Variants in TPP2 observed in about 807,000 individuals in gnomAD.
TPP2 encodes the protein tripeptidyl peptidase 2, also known as tripeptidyl-peptidase 2.
In TPP2, 34 loss-of-function variants were observed where a neutral mutation model predicts 155.9. The observed-to-expected ratio is 0.22, with a 90% CI of 0.17 to 0.29. TPP2 has a LOEUF of 0.29. Ranked by LOEUF, TPP2 falls within the 10% of genes least tolerant of loss-of-function variation. The pLI, the probability that TPP2 is intolerant of heterozygous loss-of-function variation, is 1.00. For synonymous variants in TPP2, 510 were observed against 529.4 expected, an observed-to-expected ratio of 0.96 and a Z score of 0.50; for missense variants, 1,028 against 1,522.3, an observed-to-expected ratio of 0.68 and a Z score of 5.40.
At chr13:102,648,429 C>CGTGTGTGTGTGTGTGTGTGT (rs56934655) in intron 21 of TPP2, among the ~76,000 whole-genome samples, 7 of 147,968 alleles carry the variant, frequency 4.7e-5, no homozygotes, top group Non-Finnish European at 3.0e-5. Context: ...ATAAGTTACA[C>CGTGTGTGTGTGTGTGTGTGT]GTGTGTGTGT....
chr13:102,598,401 A>C (rs1360718254), intron 1 of TPP2, among the ~76,000 whole-genome samples: 1 of 152,174 alleles, frequency 6.6e-6, no homozygotes, highest in Admixed American at 6.5e-5. Context: ...AGTCTGGCCG[A>C]ATCTGCTTAG....
At chr13:102,656,498 G>A (rs112763925) in intron 24 of TPP2, among the ~76,000 whole-genome samples, 2 of 151,994 alleles carry the variant, frequency 1.3e-5, no homozygotes, top group Non-Finnish European at 2.9e-5. Flanking sequence ...GCTCCCCCTC[G>A]TTACCTGACA....
At position 102,627,134 on chromosome 13, in the gene TPP2, A is replaced by G. The variant is rs1881681063; in HGVS notation, c.907A>G (p.Thr303Ala). Residue 303 changes from threonine to alanine, a missense_variant, in exon 7 of 30, where the codon ACA (threonine) becomes GCA (alanine). Physicochemically the swap from Thr to Ala is moderately conservative, Grantham distance 58. Around this residue, in one of 7 missense-constraint regions of TPP2, gnomAD observed 300 missense variants for 398.3 expected, o/e 0.75. Transcript: ENST00000376052. Reference protein sequence around the residue: ...SIKIGDTRLSTMETGTGLIRA... With the variant: ...SIKIGDTRLSAMETGTGLIRA... ...CAAGATTGGTGATACAAGACTAAGCACAATGGAAACAGGCACAGGCCTCAT... is the reference window on the plus strand; with the variant it reads ...CAAGATTGGTGATACAAGACTAAGCGCAATGGAAACAGGCACAGGCCTCAT... The G allele has an allele frequency of 1.2e-6, 2 of 1,604,854 alleles. No homozygotes were observed. Among genetic ancestry groups the G allele is most frequent in the Non-Finnish European group, 1.7e-6 (2 of 1,175,788 alleles).
rs908473019 is a variant in TPP2 at position 102,603,381 on chromosome 13, GA to G, written c.166-1406del. On this transcript the variant is annotated intron_variant, in intron 1 of 29. Transcript: ENST00000376052. ...CTGTGAAGGAAATGAGGTACAGTGA[GA>G]AAAAATAATCCAGTTTAGGATGGCA... 1.8e-4 allele frequency among the ~76,000 whole-genome samples: 28 copies of G among 152,148 alleles called. 1 individual carries two copies. Among genetic ancestry groups the G allele is most frequent in the Admixed American group, 1.6e-3 (24 of 15,270 alleles).
At chr13:102,647,166 T>G in intron 20 of TPP2, 41 bp from the exon 21 acceptor site, 1 of 1,539,030 alleles carries the variant, frequency 6.5e-7, no homozygotes, top group Non-Finnish European at 8.8e-7. Context: ...TCAGAAATTA[T>G]ATGCAAATCA....
At chr13:102,650,061 T>A (rs1883383209) in intron 23 of TPP2, among the ~76,000 whole-genome samples, 1 of 152,178 alleles carries the variant, frequency 6.6e-6, no homozygotes. Context: ...ATGCTTTTTT[T>A]AGAAATATGT....
chr13:102,625,849 T>G (rs754085159), intron 6 of TPP2, among the ~76,000 whole-genome samples: 16 of 152,362 alleles, frequency 1.1e-4, no homozygotes, highest in Non-Finnish European at 1.3e-4. Flanking sequence ...CCAGTGCCAG[T>G]TGTCATTTAT....
Position 102,636,363 on chromosome 13 carries a change from G to C in TPP2, c.1649G>C (p.Gly550Ala). Reference protein sequence around the residue: ...QVAAPSDHGVGIEPVFPENTE... With the variant: ...QVAAPSDHGVAIEPVFPENTE... ...GCTGCACCTTCAGATCATGGCGTTGGCATTGAACCTGTATTTCCGGAGAAC... is the reference window on the plus strand; with the variant it reads ...GCTGCACCTTCAGATCATGGCGTTGCCATTGAACCTGTATTTCCGGAGAAC... Residue 550 changes from glycine (G) to alanine (A), a missense_variant, in exon 13 of 30, where the codon GGC becomes GCC. By Grantham distance (60) the Gly-to-Ala change is moderately conservative. This residue lies in a region of TPP2 where 325 missense variants were observed against 463.7 expected (regional missense o/e 0.70). Transcript: ENST00000376052. The C allele has an allele frequency of 6.2e-7, 1 of 1,613,204 alleles. No individual in the cohort carries two copies. Among genetic ancestry groups the C allele is most frequent in the Middle Eastern group, 1.7e-4 (1 of 6,058 alleles).
At chr13:102,630,306 T>G in intron 10 of TPP2, 111 bp downstream of exon 10, 1 of 704,950 alleles carries the variant, frequency 1.4e-6, no homozygotes, top group Non-Finnish European at 2.2e-6. Flanking sequence ...TGGTTTTTAC[T>G]TTTTTTTCAG....
In TPP2 at chr13:102,678,318, A is replaced by G; in HGVS notation, c.*2A>G. 1 of 1,609,682 alleles carries G rather than the reference A, an allele frequency of 6.2e-7. No individual in the cohort carries two copies. The highest frequency in any genetic ancestry group is 8.5e-7 in the Non-Finnish European group (1 of 1,178,818). ...CCTCCCGATTATTGCGTATTCTAAA[A>G]TAGGAAACAAGACTTTAAATTTTAA... On this transcript the variant is annotated 3_prime_UTR_variant, in exon 30 of 30. Transcript: ENST00000376052.
At chr13:102,611,135 A>G (rs80011990) in intron 2 of TPP2, among the ~76,000 whole-genome samples, 46 of 152,288 alleles carry the variant, frequency 3.0e-4, no homozygotes, top group African/African-American at 1.1e-3. Flanking sequence ...ACGGGCAGCA[A>G]TGATTTATTA....
chr13:102,615,350 A>G (rs1361498688), intron 3 of TPP2, among the ~76,000 whole-genome samples: 1 of 152,002 alleles, frequency 6.6e-6, no homozygotes, highest in African/African-American at 2.4e-5. Context: ...GGGTTTCACC[A>G]TGTTGCCCAG....
At chr13:102,610,001 T>C (rs9582606) in intron 2 of TPP2, among the ~76,000 whole-genome samples, 7,420 of 152,166 alleles carry the variant, frequency 0.049, 609 homozygotes, top group African/African-American at 0.17. Context: ...AGAACTCTCT[T>C]CTCCATCCAT....
chr13:102,660,895 G>C (rs1340885603), intron 25 of TPP2, among the ~76,000 whole-genome samples: 2 of 152,182 alleles, frequency 1.3e-5, no homozygotes, highest in Non-Finnish European at 2.9e-5. Flanking sequence ...AATGAGGAAA[G>C]GATAGTATTT....
rs754667311 is a variant in TPP2, at chr13:102,637,075, G to T, written c.1679-7G>T. On this transcript the variant is annotated splice_region_variant and splice_polypyrimidine_tract_variant and intron_variant, in intron 13 of 29. Transcript: ENST00000376052. ...TCATCTTTAATTTTTGGTCTTTTTC[G>T]TGCCAGAAAACTCTGAAAAAATATC... 4 of 1,562,984 alleles carry T rather than the reference G, an allele frequency of 2.6e-6. No individual in the cohort carries two copies. Among genetic ancestry groups the T allele is most frequent in the South Asian group, 1.2e-5 (1 of 82,862 alleles).
rs113327947 is a variant in TPP2, at chr13:102,597,978, C to CT, written c.165+787dup. 6.3e-3 allele frequency among the ~76,000 whole-genome samples: 920 copies of CT among 146,036 alleles called. 7 individuals carry two copies. Among genetic ancestry groups the CT allele is most frequent in the Non-Finnish European group, 5.6e-3 (366 of 65,868 alleles). On this transcript the variant is annotated intron_variant, in intron 1 of 29. Transcript: ENST00000376052. ...TCTCAGACCTTATGAAAATATGCGA[C>CT]TTTTTTTTTTTTAAACCTGAAAACA...
At chr13:102,628,093 G>T (rs188184582) in intron 8 of TPP2, among the ~76,000 whole-genome samples, 169 bp downstream of exon 8, 2 of 152,104 alleles carry the variant, frequency 1.3e-5, no homozygotes, top group Non-Finnish European at 2.9e-5. Context: ...TGTTTGGCTC[G>T]TAGGCCGCAC....
chr13:102,655,750 G>T lies in TPP2; in HGVS notation c.2992-1306G>T, dbSNP rs148186972. On this transcript the variant is annotated intron_variant, in intron 24 of 29. Coordinates refer to ENST00000376052, the MANE Select transcript of TPP2 (RefSeq NM_001330588.2). The stretch of plus-strand genomic sequence containing the variant: ...TGTCCCCTGACACTGTTCTTGTCCG[G>T]GGGGGTCAGTAGGCTCTGTGCTGCC... Among the ~76,000 whole-genome samples, 477 of 152,162 alleles carry T rather than the reference G, an allele frequency of 3.1e-3. 3 individuals are homozygous for T. The highest frequency in any genetic ancestry group is 0.011 in the African/African-American group (450 of 41,520).
chr13:102,643,113 A>G, intron 16 of TPP2, 109 bp from the exon 17 acceptor site: 1 of 1,037,974 alleles, frequency 9.6e-7, no homozygotes, highest in Non-Finnish European at 1.3e-6. Context: ...TTTGATCCCT[A>G]TTATGTCCCT....
Sources: gnomAD v4.1 joint callset for allele counts (sites outside exome capture counted in the v4.1 genomes callset) on GRCh38, gnomAD v4.1.1 for gene constraint, gnomAD v4.1.1 regional missense constraint, MANE v1.5 for transcripts, NCBI Gene and HGNC (gene_info 2026-07-23, HGNC 2026-07-21) for gene names.